The following LMNTD2 variants were observed in gnomAD, a reference collection of about 807,000 sequenced individuals.
LMNTD2 encodes the protein lamin tail domain-containing protein 2.
In LMNTD2, 83 loss-of-function variants were observed where a neutral mutation model predicts 70.1. The observed-to-expected ratio is 1.18, with a 90% CI of 0.99 to 1.42. LMNTD2 has a LOEUF of 1.42. Ranked by LOEUF, LMNTD2 falls within the 40% of genes most tolerant of loss-of-function variation. LMNTD2 has a pLI of 0.00. For synonymous variants in LMNTD2, 534 were observed against 406.1 expected, an observed-to-expected ratio of 1.31 and a Z score of -3.79; for missense variants, 1,153 against 905.9, an observed-to-expected ratio of 1.27 and a Z score of -3.50.
At position 559,321 on chromosome 11, in the gene LMNTD2, C is replaced by T. The variant is rs754879528; in HGVS notation, c.35-342G>A. 94 of 1,388,900 alleles carry T rather than the reference C, an allele frequency of 6.8e-5. No individual in the cohort carries two copies. The African/African-American group carries it at 1.1e-3, about 16-fold the overall frequency. 86.0% of individuals were successfully genotyped at this position (1,388,900 alleles called of 1,614,324 possible). A position where few individuals can be genotyped will look rare whatever the true frequency, so the allele number is the denominator to read the frequency against. Reference sequence around the variant, plus strand: ...CTCTTTCTCTCTCTTGTCCCCCCAGCTCAGGGCCCTACCCCCAGCACTCAC... The same window carrying T: ...CTCTTTCTCTCTCTTGTCCCCCCAGTTCAGGGCCCTACCCCCAGCACTCAC... On this transcript the variant is annotated intron_variant, in intron 1 of 13. Transcript: ENST00000329451.
Position 560,731 on chromosome 11 carries a change from C to T in LMNTD2, c.-15G>A, listed in dbSNP as rs1157586226. ...AGCCACCGCATTTCCGCGTTTTTCG[C>T]GGTAGGCGGGAGGTGGGGGCGGGGA... On this transcript the variant is annotated 5_prime_UTR_variant, in exon 1 of 14. Coordinates refer to ENST00000329451, the MANE Select transcript of LMNTD2 (RefSeq NM_173573.3). 2 of 1,415,020 alleles carry T rather than the reference C, an allele frequency of 1.4e-6. No individual in the cohort carries two copies. Among genetic ancestry groups the T allele is most frequent in the South Asian group, 1.4e-5 (1 of 71,330 alleles). The allele number at this position is 1,415,020 out of a possible 1,614,324, so 87.7% of individuals were successfully genotyped here.
Position 560,720 on chromosome 11 carries a change from C to A in LMNTD2, c.-4G>T. 6 of 1,432,658 alleles carry A rather than the reference C, an allele frequency of 4.2e-6. No homozygotes were observed. The highest frequency in any genetic ancestry group is 4.6e-6 in the Non-Finnish European group (5 of 1,085,790). The allele number at this position is 1,432,658 out of a possible 1,614,324, so 88.7% of individuals were successfully genotyped here. The stretch of plus-strand genomic sequence containing the variant: ...CCGCGGGCCGCAGCCACCGCATTTC[C>A]GCGTTTTTCGCGGTAGGCGGGAGGT... On this transcript the variant is annotated 5_prime_UTR_variant, in exon 1 of 14. Coordinates refer to ENST00000329451, the MANE Select transcript of LMNTD2 (RefSeq NM_173573.3).
Position 557,404 on chromosome 11 carries a change from C to T in LMNTD2, c.708G>A (p.Lys236=), listed in dbSNP as rs1321850468. The T allele has an allele frequency of 2.5e-6, 4 of 1,601,750 alleles. No individual in the cohort carries two copies. The highest frequency in any genetic ancestry group is 1.1e-5 in the South Asian group (1 of 89,162). ...NLFTNMEPSS[K]QKQPRPWPQL... is the part of the protein sequence containing the mutation. ...TCCCTGCTCTGTGCAGTTACTTTTG[C>T]TTTGAGCTGGGCTCCATGTTGGTGA... The change falls in exon 7 of 14, where the codon AAG becomes AAA. Residue 236 remains lysine (K), a synonymous_variant. Transcript: ENST00000329451.
intron 9 of LMNTD2, 36 bp downstream of exon 9, chr11:556,456 G>GCCCGGC (rs778689090): frequency 5.3e-4 from 828 of 1,548,732 alleles, no homozygotes; most frequent in Non-Finnish European, 5.6e-4. Context: ...ACCAGCTCCA[G>GCCCGGC]TCCGGCGCCG....
At chr11:560,322 TG>T in intron 1 of LMNTD2, 1 of 1,091,308 alleles carries the variant, frequency 9.2e-7, no homozygotes, top group East Asian at 5.3e-5. Flanking sequence ...ACTGTGTGCA[TG>T]GCCTGGCACT....
At chr11:559,476 G>C (rs1411337223) in intron 1 of LMNTD2, 2 of 1,299,464 alleles carry the variant, frequency 1.5e-6, no homozygotes, top group African/African-American at 3.0e-5. Flanking sequence ...CAGGCCCCTA[G>C]GTGAGTTCTG....
rs765647861 is a variant in LMNTD2, at chr11:556,514, A to T, written c.1051T>A (p.Trp351Arg). ...SPQPCTDPDH[W>R]SPELLQSPTG... ...TACCTCTGCAGGAGTTCCGGGCTCCAGTGGTCCGGGTCTGTGCAGGGCTGG... is the reference window on the plus strand; with the variant it reads ...TACCTCTGCAGGAGTTCCGGGCTCCTGTGGTCCGGGTCTGTGCAGGGCTGG... The change falls in exon 9 of 14, where the codon TGG (tryptophan) becomes AGG (arginine). Residue 351 changes from tryptophan to arginine, a missense_variant. Trp to Arg is a moderately radical substitution (Grantham distance 101). Transcript: ENST00000329451. 6.4e-7 allele frequency: 1 copy of T among 1,554,596 alleles called. No individual in the cohort carries two copies. Among genetic ancestry groups the T allele is most frequent in the Admixed American group, 1.9e-5 (1 of 51,472 alleles).
Position 557,494 on chromosome 11 carries a change from A to G in LMNTD2, c.625-7T>C, listed in dbSNP as rs369889704. On this transcript the variant is annotated splice_region_variant and splice_polypyrimidine_tract_variant and intron_variant, in intron 6 of 13. Coordinates refer to ENST00000329451, the MANE Select transcript of LMNTD2 (RefSeq NM_173573.3). Reference sequence around the variant, plus strand: ...CGTCCTCCAGCCGAAAGCCCTGGCCAGGAAGCAAGAGGCACATGGTCCTCC... The same window carrying G: ...CGTCCTCCAGCCGAAAGCCCTGGCCGGGAAGCAAGAGGCACATGGTCCTCC... 2.6e-5 allele frequency: 42 copies of G among 1,612,914 alleles called. No homozygotes were observed. The highest frequency in any genetic ancestry group is 3.5e-5 in the Non-Finnish European group (41 of 1,179,644).
chr11:555,181 G>A lies in LMNTD2; in HGVS notation c.1774-70C>T, dbSNP rs1467322464. On this transcript the variant is annotated intron_variant, in intron 13 of 13. Transcript: ENST00000329451. ...CGGGAGGGGAGGGGAGGGGAGGAGA[G>A]GGGAGGGGCGGGGAGGAGAGCGGAG... is the stretch of plus-strand genomic sequence containing the variant. 8.8e-6 allele frequency: 5 copies of A among 565,272 alleles called. No homozygotes were observed. The East Asian group carries it at 1.5e-4, about 17-fold the overall frequency. 35.0% of individuals were successfully genotyped at this position (565,272 alleles called of 1,614,324 possible). A position where few individuals can be genotyped will look rare whatever the true frequency, so the allele number is the denominator to read the frequency against.
Position 555,087 on chromosome 11 carries a change from T to C in LMNTD2, c.1798A>G (p.Ser600Gly). ...ACCGACAGGGCCACCAGGGGGCAGC[T>C]ACGGTCCACGCTCTTCCGGCACACC... ...VRVCRKSVDR[S>G]CPLVALSVQN... is the part of the protein sequence containing the mutation. The change falls in exon 14 of 14, where the codon AGC becomes GGC. Residue 600 changes from serine (S) to glycine (G), a missense_variant. Physicochemically the swap from Ser to Gly is moderately conservative, Grantham distance 56. Coordinates refer to ENST00000329451, the MANE Select transcript of LMNTD2 (RefSeq NM_173573.3). 3 of 1,563,774 alleles carry C rather than the reference T, an allele frequency of 1.9e-6. No individual in the cohort carries two copies. The highest frequency in any genetic ancestry group is 1.7e-6 in the Non-Finnish European group (2 of 1,160,044).
In LMNTD2 at chr11:555,786, G is replaced by A; in HGVS notation, c.1522C>T (p.Pro508Ser). 4.0e-6 allele frequency: 6 copies of A among 1,509,774 alleles called. No individual in the cohort carries two copies. The highest frequency in any genetic ancestry group is 5.3e-6 in the Non-Finnish European group (6 of 1,141,834). 93.5% of individuals were successfully genotyped at this position (1,509,774 alleles called of 1,614,324 possible). A position where few individuals can be genotyped will look rare whatever the true frequency, so the allele number is the denominator to read the frequency against. Residue 508 changes from proline (P) to serine (S), a missense_variant, in exon 12 of 14, where the codon CCC (proline) becomes TCC (serine). Coordinates refer to ENST00000329451, the MANE Select transcript of LMNTD2 (RefSeq NM_173573.3). Reference protein sequence around the residue: ...DTRKPPRPPRPLRKGRVREPR... With the variant: ...DTRKPPRPPRSLRKGRVREPR... The stretch of plus-strand genomic sequence containing the variant: ...TCCCGCACCCGGCCTTTGCGCAGGG[G>A]TCGAGGTGGGCGCGGCGGCTTGCGG...
chr11:560,457 C>T, intron 1 of LMNTD2: 1 of 1,253,626 alleles, frequency 8.0e-7, no homozygotes, highest in South Asian at 3.2e-5. Context: ...CCTCCCTCGC[C>T]GGGACTGGTG....
rs755270456 is a variant in LMNTD2 at position 556,033 on chromosome 11, C to T, written c.1340G>A (p.Arg447His). The T allele has an allele frequency of 7.7e-6, 12 of 1,556,160 alleles. No individual in the cohort carries two copies. In the Admixed American group the frequency reaches 1.4e-4, roughly 19 times the overall value. The change falls in exon 11 of 14, where the codon CGC becomes CAC. Residue 447 changes from arginine to histidine, a missense_variant. Coordinates refer to ENST00000329451, the MANE Select transcript of LMNTD2 (RefSeq NM_173573.3). Reference sequence around the variant, plus strand: ...GCTCAGGAGCAGCGTCGCGCAGCCGCGGATGGAGAGGAGGGGAACGGGCTC... The same window carrying T: ...GCTCAGGAGCAGCGTCGCGCAGCCGTGGATGGAGAGGAGGGGAACGGGCTC... Reference protein sequence around the residue: ...SREPVPLLSIRGCATLLLSPK... With the variant: ...SREPVPLLSIHGCATLLLSPK...
At position 556,238 on chromosome 11, in the gene LMNTD2, T is replaced by C. The variant is rs1161175675; in HGVS notation, c.1211A>G (p.Tyr404Cys). The C allele has an allele frequency of 2.6e-6, 4 of 1,526,896 alleles. No homozygotes were observed. In the East Asian group the frequency reaches 7.6e-5, roughly 29 times the overall value. 94.6% of individuals were successfully genotyped at this position (1,526,896 alleles called of 1,614,324 possible). Residue 404 changes from tyrosine (Y) to cysteine (C), a missense_variant, in exon 10 of 14, where the codon TAC becomes TGC. Physicochemically the swap from Tyr to Cys is radical, Grantham distance 194. Coordinates refer to ENST00000329451, the MANE Select transcript of LMNTD2 (RefSeq NM_173573.3). ...CAGCAGCGTGCCCGGCGGGAAGCGG[T>C]ACAGGCGCTCCGGGAAGCCGCGCAC... ...QLVRGFPERL[Y>C]RFPPGTLLAP...
chr11:557,986 C>A lies in LMNTD2; in HGVS notation c.453G>T (p.Glu151Asp). The A allele has an allele frequency of 6.2e-7, 1 of 1,600,536 alleles. No homozygotes were observed. The highest frequency in any genetic ancestry group is 8.5e-7 in the Non-Finnish European group (1 of 1,172,266). Residue 151 changes from glutamate (E) to aspartate (D), a missense_variant, in exon 5 of 14, where the codon GAG becomes GAT. By Grantham distance (45) the Glu-to-Asp change is conservative. Transcript: ENST00000329451. ...GCAAGTTCTGCAGCTCGGCCTCCAT[C>A]TCCTGGAGCGTGCGGGTGGTCTGCA... ...RLLQTTRTLQ[E>D]MEAELQNLQK...
Position 558,259 on chromosome 11 carries a change from G to A in LMNTD2, c.312-11C>T, listed in dbSNP as rs775719269. 1.7e-5 allele frequency: 27 copies of A among 1,612,862 alleles called. No homozygotes were observed. The highest frequency in any genetic ancestry group is 1.7e-4 in the Middle Eastern group (1 of 6,056). The stretch of plus-strand genomic sequence containing the variant: ...TGACTGTGGGAGCTCCTGGAGGAGG[G>A]GTGACCTCAGCAGCCCCCACCCTGC... On this transcript the variant is annotated splice_polypyrimidine_tract_variant and intron_variant, in intron 3 of 13. Coordinates refer to ENST00000329451, the MANE Select transcript of LMNTD2 (RefSeq NM_173573.3).
At chr11:560,330 C>T (rs1853195771) in intron 1 of LMNTD2, 1 of 1,108,840 alleles carries the variant, frequency 9.0e-7, no homozygotes, top group Non-Finnish European at 1.1e-6. Flanking sequence ...CATGGCCTGG[C>T]ACTGGGTCCA....
chr11:559,859 A>C, intron 1 of LMNTD2: 1 of 738,236 alleles, frequency 1.4e-6, no homozygotes, highest in African/African-American at 1.9e-5. Flanking sequence ...TCCTGGGCTC[A>C]GGTGATCCTC....
chr11:555,900 C>G lies in LMNTD2; in HGVS notation c.1408G>C (p.Glu470Gln). The change falls in exon 12 of 14, where the codon GAG becomes CAG. Residue 470 changes from glutamate (E) to glutamine (Q), a missense_variant. By Grantham distance (29) the Glu-to-Gln change is conservative (BLOSUM62 2). Coordinates refer to ENST00000329451, the MANE Select transcript of LMNTD2 (RefSeq NM_173573.3). ...VLSEHRIPRR[E>Q]TPAPRVFADG... Reference sequence around the variant, plus strand: ...GCGAAGACCCTCGGGGCCGGAGTCTCGCGGCGTGGGATCCGGTGCTCACTG... The same window carrying G: ...GCGAAGACCCTCGGGGCCGGAGTCTGGCGGCGTGGGATCCGGTGCTCACTG... 8 of 1,566,144 alleles carry G rather than the reference C, an allele frequency of 5.1e-6. No homozygotes were observed. Among genetic ancestry groups the G allele is most frequent in the South Asian group, 1.2e-5 (1 of 86,674 alleles).
Sources: gnomAD v4.1 joint callset for allele counts on GRCh38, gnomAD v4.1.1 for gene constraint, MANE v1.5 for transcripts, NCBI Gene and HGNC (gene_info 2026-07-23, HGNC 2026-07-21) for gene names.